Variants in LATS2 observed in about 807,000 individuals in gnomAD.
LATS2 encodes serine/threonine-protein kinase LATS2.
A neutral mutation model predicts 76.0 loss-of-function variants in LATS2; 24 were observed. The ratio of observed to expected loss-of-function variants is 0.32; its 90% CI spans 0.23 to 0.44. The LOEUF (loss-of-function observed/expected upper bound fraction) is 0.44, where lower values mean the gene tolerates loss of function less well. LATS2 is among the 20% of genes least tolerant of loss of function. The probability of loss-of-function intolerance (pLI) is 1.00; values close to 1 mark genes in which losing one functional copy is unlikely to be tolerated. For synonymous variants in LATS2, 692 were observed against 635.4 expected (o/e 1.09, Z -1.34); for missense variants, 1,286 against 1,481.2 (o/e 0.87, Z 2.16).
In LATS2 at chr13:21,046,202, A is replaced by G. The variant is rs571866248; in HGVS notation, c.-176T>C. On this transcript the variant is annotated 5_prime_UTR_variant, in exon 2 of 8. Coordinates refer to ENST00000382592, the MANE Select transcript of LATS2 (RefSeq NM_014572.3). ...TCCTATAGAGAACCTAAAATTTTCCAAAGTCTTCATTTTGAAGATTATCAC... is the reference window on the plus strand; with the variant it reads ...TCCTATAGAGAACCTAAAATTTTCCGAAGTCTTCATTTTGAAGATTATCAC... 19 of 506,708 alleles carry G rather than the reference A, an allele frequency of 3.7e-5. No individual in the cohort carries two copies. Among genetic ancestry groups the G allele is most frequent in the South Asian group, 1.1e-4 (3 of 26,642 alleles). The allele number at this position is 506,708 out of a possible 1,614,324, so 31.4% of individuals were successfully genotyped here. A position where few individuals can be genotyped will look rare whatever the true frequency, so the allele number is the denominator to read the frequency against.
intron 2 of LATS2, among the ~76,000 whole-genome samples, chr13:20,999,863 C>CCA (rs1379240771): frequency 2.9e-4 from 39 of 136,196 alleles, no homozygotes; most frequent in Non-Finnish European, 6.0e-4. Flanking sequence ...ACTAAACATA[C>CCA]AAAAAAAAAA....
At chr13:21,029,319 T>C (rs532188911) in intron 2 of LATS2, among the ~76,000 whole-genome samples, 35 of 152,368 alleles carry the variant, frequency 2.3e-4, no homozygotes, top group Non-Finnish European at 1.8e-4. Context: ...ACTCTATCTA[T>C]TGAGATGATG....
chr13:20,998,752 G>C lies in LATS2; in HGVS notation c.343-7348C>G, dbSNP rs375203969. Among the ~76,000 whole-genome samples the C allele has an allele frequency of 8.5e-3, 1,291 of 152,332 alleles. 20 individuals carry two copies. The highest frequency in any genetic ancestry group is 0.03 in the African/African-American group (1,234 of 41,582). On this transcript the variant is annotated intron_variant, in intron 2 of 7. Transcript: ENST00000382592. ...AGGCCTTGTCAATGCGGGGCGAGGC[G>C]GGGCGGGGCCCGACAACCTTGGGCT...
At chr13:21,016,493 T>C (rs183075546) in intron 2 of LATS2, among the ~76,000 whole-genome samples, 350 of 152,188 alleles carry the variant, frequency 2.3e-3, no homozygotes, top group African/African-American at 7.9e-3. Flanking sequence ...TTGGCCAAGC[T>C]GGTCTCAAAC....
At position 20,975,139 on chromosome 13, in the gene LATS2, A is replaced by C; in HGVS notation, c.2998T>G (p.Ser1000Ala). ...VPTISHPMDT[S>A]NFDPVDEESP... The stretch of plus-strand genomic sequence containing the variant: ...TCTTCATCTACGGGGTCGAAATTCG[A>C]GGTGTCCATGGGGTGGCTGATGGTG... The change falls in exon 8 of 8, where the codon TCG (serine) becomes GCG (alanine). Residue 1000 changes from serine to alanine, a missense_variant. Physicochemically the swap from Ser to Ala is moderately conservative, Grantham distance 99. Coordinates refer to ENST00000382592, the MANE Select transcript of LATS2 (RefSeq NM_014572.3). 6.2e-7 allele frequency: 1 copy of C among 1,614,106 alleles called. No individual in the cohort carries two copies. The highest frequency in any genetic ancestry group is 8.5e-7 in the Non-Finnish European group (1 of 1,180,016).
intron 2 of LATS2, among the ~76,000 whole-genome samples, chr13:21,015,228 T>C (rs1447022230): frequency 3.3e-5 from 5 of 152,236 alleles, no homozygotes; most frequent in Admixed American, 3.3e-4. Context: ...CTTACTCTTC[T>C]TCCATCATCA....
intron 2 of LATS2, among the ~76,000 whole-genome samples, chr13:21,013,736 C>T (rs1028114816): frequency 1.1e-4 from 17 of 152,174 alleles, no homozygotes; most frequent in Non-Finnish European, 2.1e-4. Context: ...GAGCCTGAGG[C>T]AGGAGGATCA....
intron 2 of LATS2, among the ~76,000 whole-genome samples, chr13:21,015,653 T>C (rs1220358799): frequency 2.6e-5 from 4 of 152,206 alleles, no homozygotes; most frequent in African/African-American, 9.7e-5. Context: ...ACCAGCAGTT[T>C]GCAAAAAGCT....
At position 20,988,796 on chromosome 13, in the gene LATS2, C is replaced by T. The variant is rs1002910629; in HGVS notation, c.984G>A (p.Leu328=). 4.4e-6 allele frequency: 7 copies of T among 1,594,566 alleles called. No individual in the cohort carries two copies. Among genetic ancestry groups the T allele is most frequent in the Middle Eastern group, 1.7e-4 (1 of 6,046 alleles). The change falls in exon 4 of 8, where the codon CTG becomes CTA. Residue 328 remains leucine, a synonymous_variant. Transcript: ENST00000382592. ...CCTGGCTGCGGGAGCCCAGCACATG[C>T]AGCTGGTGGGCCGCGGGACCGGCCT... ...HKQAGPAAHQ[L]HVLGSRSQVF...
intron 7 of LATS2, among the ~76,000 whole-genome samples, chr13:20,977,493 G>C (rs1170809299): frequency 1.3e-5 from 2 of 152,018 alleles, no homozygotes; most frequent in Admixed American, 6.6e-5. Context: ...CTGTTTAATG[G>C]GTTTGGGACG....
At chr13:21,032,119 G>A (rs1872548138) in intron 2 of LATS2, among the ~76,000 whole-genome samples, 2 of 152,066 alleles carry the variant, frequency 1.3e-5, no homozygotes, top group South Asian at 4.2e-4. Flanking sequence ...CAGTAATGAT[G>A]GATAAAAACA....
intron 2 of LATS2, among the ~76,000 whole-genome samples, chr13:21,026,053 G>T (rs561780458): frequency 6.6e-6 from 1 of 152,264 alleles, no homozygotes; most frequent in East Asian, 1.9e-4. Context: ...CATAAAGAGG[G>T]CTGCCCATGA....
chr13:20,996,254 C>A (rs1174074491), intron 2 of LATS2, among the ~76,000 whole-genome samples: 3 of 152,166 alleles, frequency 2.0e-5, no homozygotes, highest in African/African-American at 7.2e-5. Flanking sequence ...CAATCTCCTG[C>A]CTCTAACTTA....
chr13:20,988,285 C>T lies in LATS2; in HGVS notation c.1495G>A (p.Ala499Thr), dbSNP rs1318253418. 1.1e-5 allele frequency: 17 copies of T among 1,587,016 alleles called. No individual in the cohort carries two copies. The highest frequency in any genetic ancestry group is 1.4e-5 in the Non-Finnish European group (17 of 1,174,814). ...EHALALGGAG[A>T]FPLDVEYGGP... is the part of the protein sequence containing the mutation. ...CCGTACTCCACGTCCAGCGGGAAGG[C>T]GCCTGCGCCGCCCAGCGCCAGGGCA... is the stretch of plus-strand genomic sequence containing the variant. Residue 499 changes from alanine to threonine, a missense_variant, in exon 4 of 8, where the codon GCC becomes ACC. By Grantham distance (58) the Ala-to-Thr change is moderately conservative. Coordinates refer to ENST00000382592, the MANE Select transcript of LATS2 (RefSeq NM_014572.3).
At chr13:20,997,715 G>GAGGAC (rs1321850145) in intron 2 of LATS2, among the ~76,000 whole-genome samples, 3 of 152,208 alleles carry the variant, frequency 2.0e-5, no homozygotes, top group African/African-American at 4.8e-5. Context: ...CAGGGCTTAC[G>GAGGAC]AGGACGGGTG....
At position 20,988,538 on chromosome 13, in the gene LATS2, C is replaced by T. The variant is rs1870308513; in HGVS notation, c.1242G>A (p.Pro414=). 1 of 1,575,554 alleles carries T rather than the reference C, an allele frequency of 6.3e-7. No individual in the cohort carries two copies. ...SRTNSFNSHQ[P]RPGPPGKAEP... is the part of the protein sequence containing the mutation. ...CGGCCTTGCCAGGCGGACCGGGCCG[C>T]GGCTGGTGGCTGTTGAAGGAGTTGG... Residue 414 remains proline, a synonymous_variant, in exon 4 of 8, where the codon CCG becomes CCA. Transcript: ENST00000382592.
intron 1 of LATS2, among the ~76,000 whole-genome samples, chr13:21,049,530 C>A (rs761356934): frequency 7.2e-5 from 11 of 152,140 alleles, no homozygotes; most frequent in Non-Finnish European, 1.2e-4. Flanking sequence ...GAGGCCCTCC[C>A]GGCTCACTCA....
chr13:21,021,307 TA>T (rs1311430947), intron 2 of LATS2, among the ~76,000 whole-genome samples: 1 of 151,818 alleles, frequency 6.6e-6, no homozygotes, highest in Non-Finnish European at 1.5e-5. Context: ...ACCCTGTCTC[TA>T]CTAAAAATAG....
Position 20,991,152 on chromosome 13 carries a change from G to T in LATS2, c.475+120C>A. 1 of 1,242,196 alleles carries T rather than the reference G, an allele frequency of 8.1e-7. No homozygotes were observed. Among genetic ancestry groups the T allele is most frequent in the Non-Finnish European group, 1.1e-6 (1 of 874,374 alleles). The allele number at this position is 1,242,196 out of a possible 1,614,324, so 76.9% of individuals were successfully genotyped here. ...TCAGCTTGCCTGTTAACTGAATGAG[G>T]CAATGTGCCAGGAGACTGGCTCTGG... On this transcript the variant is annotated intron_variant, in intron 3 of 7. Transcript: ENST00000382592. This position sits in a 1 kb window ranked among gnomAD's most constrained non-coding sequence, Gnocchi z 4.9.
Sources: gnomAD v4.1 joint callset for allele counts (sites outside exome capture counted in the v4.1 genomes callset) on GRCh38, gnomAD v4.1.1 for gene constraint, Gnocchi (gnomAD v3.1) non-coding constraint, MANE v1.5 for transcripts, NCBI Gene and HGNC (gene_info 2026-07-23, HGNC 2026-07-21) for gene names.